The following ZHX2 variants were observed in gnomAD, a reference collection of about 807,000 sequenced individuals.
The protein encoded by ZHX2 is zinc fingers and homeoboxes protein 2.
In ZHX2, 6 loss-of-function variants were observed where a neutral mutation model predicts 21.9. That is an observed-to-expected ratio of 0.27 (90% CI 0.15 to 0.54). The LOEUF (loss-of-function observed/expected upper bound fraction) is 0.54, where lower values mean the gene tolerates loss of function less well. Among genes scored for constraint, ZHX2 ranks in the 20% least tolerant of loss-of-function variants. ZHX2 has a pLI of 0.95. For synonymous variants in ZHX2, 434 were observed against 437.1 expected, an observed-to-expected ratio of 0.99 and a Z score of 0.09; for missense variants, 908 against 1,090.7, an observed-to-expected ratio of 0.83 and a Z score of 2.36.
chr8:122,812,834 C>A (rs1817957068), intron 1 of ZHX2, among the ~76,000 whole-genome samples: 1 of 152,164 alleles, frequency 6.6e-6, no homozygotes. Context: ...GATTGCTTCC[C>A]ATGTGCCTGG....
intron 3 of ZHX2, among the ~76,000 whole-genome samples, chr8:122,956,603 G>T (rs1282045589): frequency 1.3e-5 from 2 of 152,182 alleles, no homozygotes; most frequent in Non-Finnish European, 2.9e-5. Context: ...GAAAAGGAAT[G>T]CCACTGGTGA....
chr8:122,939,942 T>C (rs1455723668), intron 2 of ZHX2, among the ~76,000 whole-genome samples: 4 of 152,116 alleles, frequency 2.6e-5, no homozygotes, highest in African/African-American at 9.7e-5. Context: ...AGCTTACTAA[T>C]CAAAGTTATC....
At chr8:122,859,464 C>T (rs560636719) in intron 1 of ZHX2, among the ~76,000 whole-genome samples, 3 of 152,118 alleles carry the variant, frequency 2.0e-5, no homozygotes, top group African/African-American at 7.2e-5. Flanking sequence ...GAGGGGAAGG[C>T]GGCATTAATT....
intron 2 of ZHX2, among the ~76,000 whole-genome samples, chr8:122,940,882 T>C (rs1812825175): frequency 6.6e-6 from 1 of 152,104 alleles, no homozygotes; most frequent in Non-Finnish European, 1.5e-5. Flanking sequence ...CTCAGTTTCC[T>C]CATCTGTAAA....
chr8:122,848,806 A>G (rs897508907), intron 1 of ZHX2, among the ~76,000 whole-genome samples: 1 of 152,246 alleles, frequency 6.6e-6, no homozygotes, highest in African/African-American at 2.4e-5. Context: ...TGCCCCTGGC[A>G]TTCCTCCGAT....
chr8:122,935,753 T>A lies in ZHX2; in HGVS notation c.-219-15539T>A, dbSNP rs550553182. Among the ~76,000 whole-genome samples the A allele has an allele frequency of 6.5e-4, 99 of 152,218 alleles. 1 individual carries two copies. The South Asian group carries it at 0.02, about 30-fold the overall frequency. On this transcript the variant is annotated intron_variant, in intron 2 of 3. Coordinates refer to ENST00000314393, the MANE Select transcript of ZHX2 (RefSeq NM_014943.5). Reference sequence around the variant, plus strand: ...GGTTTCACCATGTTAGCCAGGATTGTCTCGATCTCCTGACCTCGTGATCCG... The same window carrying A: ...GGTTTCACCATGTTAGCCAGGATTGACTCGATCTCCTGACCTCGTGATCCG...
chr8:122,816,295 G>A (rs1043373670), intron 1 of ZHX2: 2 of 152,014 alleles, frequency 1.3e-5, no homozygotes, highest in African/African-American at 4.8e-5. Context: ...TTAGACTATA[G>A]TACAGTGTAA....
In ZHX2 at chr8:122,850,222, C is replaced by G. The variant is rs549630482; in HGVS notation, c.-282-13255C>G. ...CGCAAGAGCCCCGTGTCGCACCCCCCCTCAGGTGCCCTTCATGTTTTGATG... is the reference window on the plus strand; with the variant it reads ...CGCAAGAGCCCCGTGTCGCACCCCCGCTCAGGTGCCCTTCATGTTTTGATG... On this transcript the variant is annotated intron_variant, in intron 1 of 3. Coordinates refer to ENST00000314393, the MANE Select transcript of ZHX2 (RefSeq NM_014943.5). Among the ~76,000 whole-genome samples, 14 of 152,298 alleles carry G rather than the reference C, an allele frequency of 9.2e-5. No homozygotes were observed. In the South Asian group the frequency reaches 1.7e-3, roughly 18 times the overall value.
chr8:122,861,072 G>A (rs1032151186), intron 1 of ZHX2, among the ~76,000 whole-genome samples: 3 of 149,460 alleles, frequency 2.0e-5, no homozygotes, highest in Non-Finnish European at 4.4e-5. Context: ...CTATCAGAGA[G>A]GAGTGGTCTA....
At chr8:122,798,268 G>A (rs988334180) in intron 1 of ZHX2, among the ~76,000 whole-genome samples, 5 of 152,166 alleles carry the variant, frequency 3.3e-5, no homozygotes, top group Non-Finnish European at 5.9e-5. Context: ...GGAAATATTC[G>A]AGCCCCTACT....
chr8:122,960,045 G>A (rs935505433), intron 3 of ZHX2, among the ~76,000 whole-genome samples: 10 of 152,102 alleles, frequency 6.6e-5, no homozygotes, highest in African/African-American at 1.4e-4. Context: ...GCAGTGTGCC[G>A]GGCTCTGGAA....
intron 2 of ZHX2, among the ~76,000 whole-genome samples, chr8:122,939,664 G>A (rs1356334765): frequency 6.6e-6 from 1 of 152,092 alleles, no homozygotes; most frequent in Non-Finnish European, 1.5e-5. Flanking sequence ...CAAGATACAG[G>A]GCAAAATCTA....
At chr8:122,885,356 T>C (rs1819815074) in intron 2 of ZHX2, among the ~76,000 whole-genome samples, 2 of 152,256 alleles carry the variant, frequency 1.3e-5, no homozygotes, top group African/African-American at 4.8e-5. Context: ...CCAGTCTGCA[T>C]GCATCAGCAT....
At chr8:122,816,314 T>A (rs964053286) in intron 1 of ZHX2, 1 of 152,240 alleles carries the variant, frequency 6.6e-6, no homozygotes, top group Non-Finnish European at 1.5e-5. Context: ...AAACATAACT[T>A]ACTGCACTAG....
chr8:122,902,113 G>C (rs1820244587), intron 2 of ZHX2, among the ~76,000 whole-genome samples: 1 of 152,114 alleles, frequency 6.6e-6, no homozygotes, highest in Admixed American at 6.5e-5. Context: ...TTGCACATTT[G>C]TCTTCATGGA....
At chr8:122,787,535 C>T (rs757007876) in intron 1 of ZHX2, among the ~76,000 whole-genome samples, 1 of 152,194 alleles carries the variant, frequency 6.6e-6, no homozygotes, top group East Asian at 1.9e-4. Flanking sequence ...GGGAAGCCCA[C>T]GCTGAGTTTA....
At position 122,831,929 on chromosome 8, in the gene ZHX2, G is replaced by A. The variant is rs189123922; in HGVS notation, c.-282-31548G>A. On this transcript the variant is annotated intron_variant, in intron 1 of 3. Transcript: ENST00000314393. ...AGCTTCTTGGGAGGTGGTGCCTAGC[G>A]GGAGGAGATTGGCTTCAATAGTGTG... is the stretch of plus-strand genomic sequence containing the variant. Among the ~76,000 whole-genome samples the A allele has an allele frequency of 1.5e-3, 227 of 152,294 alleles. 1 individual carries two copies. Among genetic ancestry groups the A allele is most frequent in the African/African-American group, 5.2e-3 (216 of 41,564 alleles).
Position 122,805,921 on chromosome 8 carries a change from A to G in ZHX2, c.-283+23975A>G, listed in dbSNP as rs191228663. Among the ~76,000 whole-genome samples, 3 of 152,204 alleles carry G rather than the reference A, an allele frequency of 2.0e-5. No homozygotes were observed. The East Asian group carries it at 5.8e-4, about 29-fold the overall frequency. ...CCCTCTTCCCTCTAAACCTTTGCAT[A>G]TTCCAGTTCCTCTACCTTGTTGCCA... On this transcript the variant is annotated intron_variant, in intron 1 of 3. Coordinates refer to ENST00000314393, the MANE Select transcript of ZHX2 (RefSeq NM_014943.5).
In ZHX2 at chr8:122,813,196, C is replaced by CA. The variant is rs35396999; in HGVS notation, c.-283+31266dup. Among the ~76,000 whole-genome samples the CA allele has an allele frequency of 7.5e-3, 720 of 96,272 alleles. 3 individuals are homozygous for CA. The highest frequency in any genetic ancestry group is 0.015 in the African/African-American group (368 of 24,938). 63.2% of individuals were successfully genotyped at this position (96,272 alleles called of 152,430 possible). A position where few individuals can be genotyped will look rare whatever the true frequency, so the allele number is the denominator to read the frequency against. ...GGGCAACAAGAGTGAAACTCTGTCT[C>CA]AAAAAAAAAAAAAAAAGAAAAAAAA... On this transcript the variant is annotated intron_variant, in intron 1 of 3. Coordinates refer to ENST00000314393, the MANE Select transcript of ZHX2 (RefSeq NM_014943.5).
Sources: gnomAD v4.1 joint callset for allele counts (sites outside exome capture counted in the v4.1 genomes callset) on GRCh38, gnomAD v4.1.1 for gene constraint, MANE v1.5 for transcripts, NCBI Gene and HGNC (gene_info 2026-07-23, HGNC 2026-07-21) for gene names.